The following SPHK2 variants were observed in gnomAD, a reference collection of about 807,000 sequenced individuals.
SPHK2 encodes sphingosine kinase 2.
Under a neutral mutation model 32.3 loss-of-function variants are expected in SPHK2, and 18 were observed. The ratio of observed to expected loss-of-function variants is 0.56; its 90% CI spans 0.39 to 0.83. SPHK2 has a LOEUF of 0.83. SPHK2 is among the 40% of genes least tolerant of loss of function. The pLI, the probability that SPHK2 is intolerant of heterozygous loss-of-function variation, is 0.00. For synonymous variants in SPHK2, 462 were observed against 417.6 expected (o/e 1.11, Z -1.30); for missense variants, 850 against 908.7 (o/e 0.94, Z 0.83).
At chr19:48,624,883 G>A in intron 2 of SPHK2, 2 of 984,844 alleles carry the variant, frequency 2.0e-6, no homozygotes, top group Non-Finnish European at 2.4e-6. Flanking sequence ...GGGGGGTGGG[G>A]GGCTGTCCTG....
chr19:48,627,612 T>C lies in SPHK2; in HGVS notation c.512-80T>C, dbSNP rs952162750. 5.3e-5 allele frequency: 79 copies of C among 1,483,402 alleles called. No individual in the cohort carries two copies. In the South Asian group the frequency reaches 8.1e-4, roughly 15 times the overall value. The allele number at this position is 1,483,402 out of a possible 1,614,324, so 91.9% of individuals were successfully genotyped here. ...AGGGGCCAGCCCTCCACCAATTCCG[T>C]TGGGGGCTGATGAAGGGACTGTTTC... On this transcript the variant is annotated intron_variant, in intron 3 of 6. Transcript: ENST00000245222.
rs2030434015 is a variant in SPHK2, at chr19:48,629,830, C to G, written c.*57C>G. 6.6e-7 allele frequency: 1 copy of G among 1,510,578 alleles called. No individual in the cohort carries two copies. The highest frequency in any genetic ancestry group is 1.4e-5 in the African/African-American group (1 of 71,758). 93.6% of individuals were successfully genotyped at this position (1,510,578 alleles called of 1,614,324 possible). A position where few individuals can be genotyped will look rare whatever the true frequency, so the allele number is the denominator to read the frequency against. On this transcript the variant is annotated 3_prime_UTR_variant, in exon 7 of 7. Coordinates refer to ENST00000245222, the MANE Select transcript of SPHK2 (RefSeq NM_020126.5). ...GGGCCTACATTCCAATGGGGCGGAG[C>G]CTGAGCTAGGGGGTGTGGCCTGGCT...
rs2147704642 is a variant in SPHK2, at chr19:48,629,882, G to A, written c.*109G>A. On this transcript the variant is annotated 3_prime_UTR_variant, in exon 7 of 7. Transcript: ENST00000245222. ...CTAGAGTTGTGGTGGCAGGGGCCCT[G>A]GCCCCGTCTCAGGATTGCGCTCGCT... 1 of 1,455,218 alleles carries A rather than the reference G, an allele frequency of 6.9e-7. No homozygotes were observed. The highest frequency in any genetic ancestry group is 9.1e-7 in the Non-Finnish European group (1 of 1,104,536). The allele number at this position is 1,455,218 out of a possible 1,614,324, so 90.1% of individuals were successfully genotyped here. A position where few individuals can be genotyped will look rare whatever the true frequency, so the allele number is the denominator to read the frequency against.
rs137862001 is a variant in SPHK2 at position 48,629,519 on chromosome 19, G to T, written c.1711G>T (p.Val571Leu). Residue 571 changes from valine (V) to leucine (L), a missense_variant, in exon 7 of 7, where the codon GTG (valine) becomes TTG (leucine). Physicochemically the swap from Val to Leu is conservative, Grantham distance 32. This residue lies in a region of SPHK2 where 306 missense variants were observed against 268.6 expected (regional missense o/e 1.14). Transcript: ENST00000245222. The stretch of plus-strand genomic sequence containing the variant: ...CGACGGCCTGGTGCACCTGTGCTGG[G>T]TGCGTAGCGGCATCTCGCGGGCTGC... ...FDDGLVHLCW[V>L]RSGISRAALL... 5.5e-4 allele frequency: 885 copies of T among 1,606,044 alleles called. No individual in the cohort carries two copies. Among genetic ancestry groups the T allele is most frequent in the Non-Finnish European group, 6.8e-4 (797 of 1,177,782 alleles).
chr19:48,629,699 C>T lies in SPHK2; in HGVS notation c.1891C>T (p.Leu631=). 3.1e-6 allele frequency: 5 copies of T among 1,610,160 alleles called. No homozygotes were observed. Among genetic ancestry groups the T allele is most frequent in the Middle Eastern group, 1.7e-4 (1 of 6,054 alleles). ...VDGEQVEYGP[L]QAQMHPGIGT... is the part of the protein sequence containing the mutation. ...CGGGGAGCAGGTGGAGTATGGGCCG[C>T]TACAGGCACAGATGCACCCTGGCAT... Residue 631 remains leucine (L), a synonymous_variant, in exon 7 of 7, where the codon CTA becomes TTA. Coordinates refer to ENST00000245222, the MANE Select transcript of SPHK2 (RefSeq NM_020126.5).
In SPHK2 at chr19:48,629,538, G is replaced by C; in HGVS notation, c.1730G>C (p.Arg577Pro). The C allele has an allele frequency of 1.2e-6, 2 of 1,604,004 alleles. No individual in the cohort carries two copies. Among genetic ancestry groups the C allele is most frequent in the Non-Finnish European group, 1.7e-6 (2 of 1,176,520 alleles). Residue 577 changes from arginine to proline, a missense_variant, in exon 7 of 7, where the codon CGG (arginine) becomes CCG (proline). Arg to Pro is a moderately radical substitution (Grantham distance 103, BLOSUM62 -2). Coordinates refer to ENST00000245222, the MANE Select transcript of SPHK2 (RefSeq NM_020126.5). The part of the protein sequence containing the change: ...HLCWVRSGIS[R>P]AALLRLFLAM... ...TGCTGGGTGCGTAGCGGCATCTCGCGGGCTGCGCTGCTGCGCCTTTTCTTG... is the reference window on the plus strand; with the variant it reads ...TGCTGGGTGCGTAGCGGCATCTCGCCGGCTGCGCTGCTGCGCCTTTTCTTG...
chr19:48,629,767 G>T lies in SPHK2; in HGVS notation c.1959G>T (p.Glu653Asp), dbSNP rs751965611. 27 of 1,567,272 alleles carry T rather than the reference G, an allele frequency of 1.7e-5. No homozygotes were observed. Among genetic ancestry groups the T allele is most frequent in the East Asian group, 2.3e-5 (1 of 44,244 alleles). ...GGCCTCCTGGCTGCCCGGGGCGGGA[G>T]CCCTGAAACTAAACAAGCTTGGTAC... ...LTGPPGCPGR[E>D]P The change falls in exon 7 of 7, where the codon GAG becomes GAT. Residue 653 changes from glutamate to aspartate, a missense_variant. This residue lies in a region of SPHK2 where 306 missense variants were observed against 268.6 expected (regional missense o/e 1.14). Transcript: ENST00000245222.
At chr19:48,619,989 C>G (rs754656000) in intron 1 of SPHK2, among the ~76,000 whole-genome samples, 4 of 152,028 alleles carry the variant, frequency 2.6e-5, no homozygotes, top group Non-Finnish European at 5.9e-5. Flanking sequence ...AAATTCAAAT[C>G]CTGGCTCTGC....
At chr19:48,624,034 A>T (rs983042991) in intron 2 of SPHK2, 1 of 152,110 alleles carries the variant, frequency 6.6e-6, no homozygotes, top group Non-Finnish European at 1.5e-5. Flanking sequence ...CGCGTGTTAG[A>T]GTCTCTGTCT....
At position 48,626,107 on chromosome 19, in the gene SPHK2, A is replaced by T; in HGVS notation, c.256A>T (p.Arg86Trp). ...GCGGCTGCGCCCCAAACCTGAAGCC[A>T]GGCCCCGGGGTGGCCTGGTCCCGTT... ...IQRLRPKPEA[R>W]PRGGLVPLAE... The change falls in exon 3 of 7, where the codon AGG becomes TGG. Residue 86 changes from arginine to tryptophan, a missense_variant. Physicochemically the swap from Arg to Trp is moderately radical, Grantham distance 101 (BLOSUM62 -3). Around this residue, in one of 2 missense-constraint regions of SPHK2, gnomAD observed 544 missense variants for 640.0 expected, o/e 0.85. Coordinates refer to ENST00000245222, the MANE Select transcript of SPHK2 (RefSeq NM_020126.5). 1 of 1,611,034 alleles carries T rather than the reference A, an allele frequency of 6.2e-7. No homozygotes were observed. Among genetic ancestry groups the T allele is most frequent in the Non-Finnish European group, 8.5e-7 (1 of 1,178,660 alleles).
rs1974621031 is a variant in SPHK2, at chr19:48,626,292, TGCCGAG to T, written c.445_450del (p.Glu149_Ala150del). 6.3e-7 allele frequency: 1 copy of T among 1,594,978 alleles called. No homozygotes were observed. The highest frequency in any genetic ancestry group is 8.5e-7 in the Non-Finnish European group (1 of 1,178,040). ...GGGCCGCCACCTACGAAGAGAACCGTGCCGAGGCCCAGCGCTGGGCCACTGCCCTCA... is the reference window on the plus strand; with the variant it reads ...GGGCCGCCACCTACGAAGAGAACCGTGCCCAGCGCTGGGCCACTGCCCTCA... On this transcript the variant is annotated inframe_deletion, in exon 3 of 7. Transcript: ENST00000245222.
intron 2 of SPHK2, among the ~76,000 whole-genome samples, chr19:48,622,428 G>A (rs1330051315): frequency 1.3e-5 from 2 of 152,094 alleles, no homozygotes; most frequent in African/African-American, 2.4e-5. Flanking sequence ...GGACAGCTGA[G>A]GCCAAGAATT....
In SPHK2 at chr19:48,630,015, G is replaced by GA; in HGVS notation, c.*243dup. 7.4e-7 allele frequency: 1 copy of GA among 1,359,172 alleles called. No individual in the cohort carries two copies. Among genetic ancestry groups the GA allele is most frequent in the Non-Finnish European group, 9.4e-7 (1 of 1,058,852 alleles). The allele number at this position is 1,359,172 out of a possible 1,614,324, so 84.2% of individuals were successfully genotyped here. ...TCAATGAGGGCGGGGCCTGGCGTCT[G>GA]ATCTGGGGCCGCCCTTACGGGGCAG... On this transcript the variant is annotated 3_prime_UTR_variant, in exon 7 of 7. Coordinates refer to ENST00000245222, the MANE Select transcript of SPHK2 (RefSeq NM_020126.5). The surrounding 1 kb of genome is among the most constrained non-coding windows in gnomAD (Gnocchi z 4.9).
intron 4 of SPHK2, 60 bp from the exon 5 acceptor site, chr19:48,627,915 T>C: frequency 1.3e-6 from 2 of 1,569,786 alleles, no homozygotes; most frequent in South Asian, 1.2e-5. Context: ...TGGGTGGGAC[T>C]CCTGGGTCTA....
chr19:48,620,460 G>A lies in SPHK2; in HGVS notation c.-55G>A. 1 of 1,558,752 alleles carries A rather than the reference G, an allele frequency of 6.4e-7. No homozygotes were observed. Among genetic ancestry groups the A allele is most frequent in the Admixed American group, 1.7e-5 (1 of 57,452 alleles). The stretch of plus-strand genomic sequence containing the variant: ...CTCCTTGCTCCTACCAGCCTACTAT[G>A]GCTTAAGACCCAGGGCCAGGGTCCC... On this transcript the variant is annotated 5_prime_UTR_variant, in exon 2 of 7. An upstream start codon of the reference 5' UTR is lost. Coordinates refer to ENST00000245222, the MANE Select transcript of SPHK2 (RefSeq NM_020126.5).
chr19:48,629,302 G>C lies in SPHK2; in HGVS notation c.1494G>C (p.Gly498=), dbSNP rs2030338451. The C allele has an allele frequency of 6.2e-7, 1 of 1,613,322 alleles. No individual in the cohort carries two copies. The highest frequency in any genetic ancestry group is 8.5e-7 in the Non-Finnish European group (1 of 1,179,974). ...CCCCCGTAATTCCCCCATCCTCTGG[G>C]CTCCCACTTCCCACCCCTGATGCCC... The part of the protein sequence containing the change: ...EGAPVIPPSS[G]LPLPTPDARV... The change falls in exon 7 of 7, where the codon GGG becomes GGC. Residue 498 remains glycine, a synonymous_variant. Transcript: ENST00000245222.
chr19:48,627,761 G>A lies in SPHK2; in HGVS notation c.581G>A (p.Gly194Asp), dbSNP rs1321130229. The A allele has an allele frequency of 1.9e-6, 3 of 1,613,896 alleles. No individual in the cohort carries two copies. The highest frequency in any genetic ancestry group is 1.7e-5 in the Admixed American group (1 of 59,970). ...LLLVNPFGGR[G>D]LAWQWCKNHV... The stretch of plus-strand genomic sequence containing the variant: ...TTGGTCAATCCCTTTGGGGGTCGGG[G>A]CCTGGCCTGGCAGTGGTGTAAGAAC... Residue 194 changes from glycine to aspartate, a missense_variant, in exon 4 of 7, where the codon GGC (glycine) becomes GAC (aspartate). By Grantham distance (94) the Gly-to-Asp change is moderately conservative. Around this residue, in one of 2 missense-constraint regions of SPHK2, gnomAD observed 544 missense variants for 640.0 expected, o/e 0.85. Transcript: ENST00000245222.
rs576135871 is a variant in SPHK2, at chr19:48,629,728, T to C, written c.1920T>C (p.Gly640=). ...PLQAQMHPGI[G]TLLTGPPGCP... ...AGGCACAGATGCACCCTGGCATCGG[T>C]ACACTGCTCACTGGGCCTCCTGGCT... The change falls in exon 7 of 7, where the codon GGT becomes GGC. Residue 640 remains glycine (G), a synonymous_variant. Transcript: ENST00000245222. The C allele has an allele frequency of 1.9e-6, 3 of 1,602,202 alleles. No homozygotes were observed. The highest frequency in any genetic ancestry group is 1.1e-5 in the South Asian group (1 of 90,350).
chr19:48,619,585 A>G, intron 1 of SPHK2, 42 bp downstream of exon 1: 1 of 199,040 alleles, frequency 5.0e-6, no homozygotes, highest in Non-Finnish European at 1.1e-5. Flanking sequence ...GGCATCTGGA[A>G]ATTTCCGACC....
Sources: allele counts gnomAD v4.1 joint callset (sites outside exome capture counted in the v4.1 genomes callset), GRCh38; gene constraint gnomAD v4.1.1; regional missense constraint gnomAD v4.1.1; non-coding constraint Gnocchi (gnomAD v3.1); transcripts MANE v1.5; gene names NCBI Gene and HGNC (gene_info 2026-07-23, HGNC 2026-07-21).